The following CCBE1 variants were observed in gnomAD, a reference collection of about 807,000 sequenced individuals.
CCBE1 encodes the protein collagen and calcium binding EGF domains 1.
In CCBE1, 37 loss-of-function variants were observed where a neutral mutation model predicts 50.0. That is an observed-to-expected ratio of 0.74 (90% CI 0.57 to 0.97). The LOEUF (loss-of-function observed/expected upper bound fraction) is 0.97. CCBE1 is among the 50% of genes least tolerant of loss of function. The probability of loss-of-function intolerance (pLI) is 0.00; values close to 1 mark genes in which losing one functional copy is unlikely to be tolerated. For missense variants in CCBE1, 538 were observed against 523.8 expected, an observed-to-expected ratio of 1.03 and a Z score of -0.26; for synonymous variants, 234 against 203.7, an observed-to-expected ratio of 1.15 and a Z score of -1.27.
In CCBE1 at chr18:59,697,418, G is replaced by GCCT; in HGVS notation, c.-79_-77dup. ...GTCCTGCTCCTCCGCGGCCGCCGCC[G>GCCT]CCTTCCCTCTTCCCGGCAGGGGGCG... On this transcript the variant is annotated 5_prime_UTR_variant, in exon 1 of 11. Coordinates refer to ENST00000439986, the MANE Select transcript of CCBE1 (RefSeq NM_133459.4). The GCCT allele has an allele frequency of 6.7e-7, 1 of 1,501,612 alleles. No individual in the cohort carries two copies. Among genetic ancestry groups the GCCT allele is most frequent in the Non-Finnish European group, 8.9e-7 (1 of 1,127,166 alleles). 93.0% of individuals were successfully genotyped at this position (1,501,612 alleles called of 1,614,324 possible).
intron 2 of CCBE1, among the ~76,000 whole-genome samples, chr18:59,641,937 T>TA (rs2053996050): frequency 6.6e-6 from 1 of 151,992 alleles, no homozygotes; most frequent in Non-Finnish European, 1.5e-5. Flanking sequence ...ATACTTTACA[T>TA]AAAAAAATTC....
At chr18:59,681,423 G>A (rs2054586957) in intron 2 of CCBE1, among the ~76,000 whole-genome samples, 1 of 152,200 alleles carries the variant, frequency 6.6e-6, no homozygotes, top group African/African-American at 2.4e-5. Context: ...CTGATCTGAT[G>A]TCCCCTTTTC....
At chr18:59,654,814 G>A (rs1376102374) in intron 2 of CCBE1, among the ~76,000 whole-genome samples, 5 of 141,532 alleles carry the variant, frequency 3.5e-5, no homozygotes, top group African/African-American at 1.3e-4. Context: ...AAAAAGGCCA[G>A]GCCAGAAAAG....
intron 2 of CCBE1, among the ~76,000 whole-genome samples, chr18:59,675,339 T>C (rs1051302529): frequency 1.3e-5 from 2 of 152,224 alleles, no homozygotes; most frequent in Non-Finnish European, 2.9e-5. Flanking sequence ...TCATCTATAA[T>C]ATTGGTATGA....
intron 4 of CCBE1, among the ~76,000 whole-genome samples, chr18:59,468,399 AAAG>A (rs1200931578): frequency 6.6e-6 from 1 of 151,298 alleles, no homozygotes; most frequent in Admixed American, 6.6e-5. Context: ...ATAAATGCAT[AAAG>A]AATAGGGTAC....
intron 2 of CCBE1, among the ~76,000 whole-genome samples, chr18:59,659,084 C>T (rs763486866): frequency 7.2e-5 from 11 of 152,090 alleles, no homozygotes; most frequent in Non-Finnish European, 1.2e-4. Flanking sequence ...GCATGCCACG[C>T]GTTCCTTTGC....
At chr18:59,484,499 G>T (rs1006314672) in intron 2 of CCBE1, among the ~76,000 whole-genome samples, 1 of 152,206 alleles carries the variant, frequency 6.6e-6, no homozygotes, top group African/African-American at 2.4e-5. Flanking sequence ...TGGGCACTGT[G>T]ACCTTTATGA....
intron 2 of CCBE1, among the ~76,000 whole-genome samples, chr18:59,581,495 G>A (rs528572964): frequency 6.6e-6 from 1 of 151,220 alleles, no homozygotes; most frequent in African/African-American, 2.4e-5. Flanking sequence ...TAGGAGCTAT[G>A]CCCAAGGGTA....
chr18:59,596,060 C>A (rs2053346032), intron 2 of CCBE1, among the ~76,000 whole-genome samples: 1 of 152,096 alleles, frequency 6.6e-6, no homozygotes, highest in South Asian at 2.1e-4. Context: ...TAAACAAATC[C>A]CCACATGAAC....
chr18:59,555,670 C>T (rs2052644978), intron 2 of CCBE1, among the ~76,000 whole-genome samples: 1 of 152,174 alleles, frequency 6.6e-6, no homozygotes, highest in Non-Finnish European at 1.5e-5. Context: ...CTTTACATTG[C>T]ATAAAAGAGG....
intron 2 of CCBE1, among the ~76,000 whole-genome samples, chr18:59,613,863 G>GTT (rs34847608): frequency 0.21 from 20,458 of 95,908 alleles, 1,366 homozygotes; most frequent in East Asian, 0.37. Context: ...TCTCTGATGG[G>GTT]TTTTTTTTTT....
chr18:59,457,964 G>C (rs1911274319), intron 5 of CCBE1, among the ~76,000 whole-genome samples: 1 of 152,186 alleles, frequency 6.6e-6, no homozygotes, highest in South Asian at 2.1e-4. Context: ...GGAAATGGTG[G>C]GCTCCTGCAT....
rs188191576 is a variant in CCBE1 at position 59,455,829 on chromosome 18, A to G, written c.554-878T>C. On this transcript the variant is annotated intron_variant, in intron 5 of 10. Transcript: ENST00000439986. ...AGGGTGTTTTGTTCAGGCAGGCAGG[A>G]CAGTTTGACACCCAGGGAAGCATAA... Among the ~76,000 whole-genome samples, 6 of 152,314 alleles carry G rather than the reference A, an allele frequency of 3.9e-5. No homozygotes were observed. The East Asian group carries it at 1.2e-3, about 29-fold the overall frequency.
chr18:59,454,525 C>T (rs1222104978), intron 6 of CCBE1, among the ~76,000 whole-genome samples: 1 of 152,162 alleles, frequency 6.6e-6, no homozygotes, highest in African/African-American at 2.4e-5. Flanking sequence ...GGATTACAGG[C>T]GTGAGTCACC....
intron 2 of CCBE1, among the ~76,000 whole-genome samples, chr18:59,560,189 G>A (rs115993334): frequency 0.022 from 3,281 of 152,336 alleles, 114 homozygotes; most frequent in African/African-American, 0.068. Context: ...ATGCCCATTT[G>A]AAGTGGATGT....
intron 2 of CCBE1, among the ~76,000 whole-genome samples, chr18:59,529,639 G>C (rs905929352): frequency 4.6e-5 from 7 of 152,254 alleles, no homozygotes; most frequent in Admixed American, 1.3e-4. Flanking sequence ...CTGAGTGGGT[G>C]GTCTCTCCAC....
chr18:59,534,736 T>C (rs377619582), intron 2 of CCBE1, among the ~76,000 whole-genome samples: 2 of 152,342 alleles, frequency 1.3e-5, no homozygotes, highest in East Asian at 3.9e-4. Flanking sequence ...AGGCTCCATC[T>C]AGATTGTTTG....
intron 3 of CCBE1, among the ~76,000 whole-genome samples, chr18:59,472,872 A>T (rs1010320549): frequency 6.6e-6 from 1 of 152,238 alleles, no homozygotes; most frequent in African/African-American, 2.4e-5. Context: ...GCAAATGAGC[A>T]AAGTCATGTC....
At chr18:59,454,130 GAC>G (rs765270708) in intron 6 of CCBE1, among the ~76,000 whole-genome samples, 2 of 152,158 alleles carry the variant, frequency 1.3e-5, no homozygotes, top group Non-Finnish European at 2.9e-5. Context: ...AGTTTATAGA[GAC>G]AATATTCTCT....
Sources: allele counts gnomAD v4.1 joint callset (sites outside exome capture counted in the v4.1 genomes callset), GRCh38; gene constraint gnomAD v4.1.1; transcripts MANE v1.5; gene names NCBI Gene and HGNC (gene_info 2026-07-23, HGNC 2026-07-21).